The following CTXND1 variants were observed in gnomAD, a reference collection of about 807,000 sequenced individuals.
CTXND1 encodes the protein cortexin domain containing 1.
chr15:80,217,159 A>G (rs1230620231), intron 1 of CTXND1, among the ~76,000 whole-genome samples: 1 of 152,282 alleles, frequency 6.6e-6, no homozygotes, highest in African/African-American at 2.4e-5. Context: ...TTCTATGCCA[A>G]TTGCAAGCTG....
intron 1 of CTXND1, among the ~76,000 whole-genome samples, chr15:80,223,287 C>A (rs990607003): frequency 1.3e-5 from 2 of 152,162 alleles, no homozygotes; most frequent in Non-Finnish European, 2.9e-5. Context: ...GAACTCCCGA[C>A]CTCAGGTGAT....
At chr15:80,238,792 C>T (rs1340720396) in intron 1 of CTXND1, among the ~76,000 whole-genome samples, 1 of 152,198 alleles carries the variant, frequency 6.6e-6, no homozygotes, top group Non-Finnish European at 1.5e-5. Flanking sequence ...CCATGTTAAA[C>T]TCAGGGAACA....
chr15:80,205,849 A>T (rs1893142537), intron 1 of CTXND1, among the ~76,000 whole-genome samples: 1 of 152,184 alleles, frequency 6.6e-6, no homozygotes, highest in Non-Finnish European at 1.5e-5. Flanking sequence ...GGAAATACTC[A>T]TTGTTTCAGT....
chr15:80,229,011 G>C (rs924526278), intron 1 of CTXND1, among the ~76,000 whole-genome samples: 1 of 152,140 alleles, frequency 6.6e-6, no homozygotes, highest in East Asian at 1.9e-4. Context: ...GATTAGCGAT[G>C]CTTAGCTAGT....
intron 1 of CTXND1, among the ~76,000 whole-genome samples, chr15:80,242,143 CAG>C: frequency 6.6e-6 from 1 of 152,268 alleles, no homozygotes; most frequent in Non-Finnish European, 1.5e-5. Flanking sequence ...CTAAGAGAGA[CAG>C]AGAGGCTGCA....
In CTXND1 at chr15:80,197,167, C is replaced by T. The variant is rs1302671024; in HGVS notation, c.*4603G>A. ...AAACTCCTGGACTCAAGTGATCCTC[C>T]CACCTCAGACTCCTGAGTAGCTGGG... On this transcript the variant is annotated 3_prime_UTR_variant, in exon 3 of 3. Transcript: ENST00000560778. The T allele has an allele frequency of 6.6e-6, 1 of 152,220 alleles. No individual in the cohort carries two copies. Among genetic ancestry groups the T allele is most frequent in the Non-Finnish European group, 1.5e-5 (1 of 68,078 alleles). 9.4% of individuals were successfully genotyped at this position (152,220 alleles called of 1,614,324 possible). A position where few individuals can be genotyped will look rare whatever the true frequency, so the allele number is the denominator to read the frequency against.
chr15:80,219,653 T>C (rs1893291370), intron 1 of CTXND1, among the ~76,000 whole-genome samples: 1 of 152,218 alleles, frequency 6.6e-6, no homozygotes, highest in African/African-American at 2.4e-5. Flanking sequence ...CAGCAGTACC[T>C]GGGAGCTCCT....
chr15:80,232,987 A>G (rs7172075), intron 1 of CTXND1, among the ~76,000 whole-genome samples: 148,194 of 148,194 alleles, frequency 1, 74,097 homozygotes, highest in Non-Finnish European at 1. Flanking sequence ...CTGTTTCCCA[A>G]GCTGGATTGC....
intron 1 of CTXND1, among the ~76,000 whole-genome samples, chr15:80,204,647 G>GTGTATATATATATATA (rs1399579470): frequency 7.6e-6 from 1 of 131,342 alleles, no homozygotes; most frequent in African/African-American, 2.9e-5. Flanking sequence ...ATATTCCATT[G>GTGTATATATATATATA]TATATATATA....
At chr15:80,251,432 C>T (rs1446293121) in intron 1 of CTXND1, among the ~76,000 whole-genome samples, 1 of 152,176 alleles carries the variant, frequency 6.6e-6, no homozygotes, top group East Asian at 1.9e-4. Context: ...AGAACTTTCC[C>T]CAGAAGTTAC....
chr15:80,211,484 C>T (rs3743422), intron 1 of CTXND1, among the ~76,000 whole-genome samples: 98,361 of 151,990 alleles, frequency 0.65, 32,097 homozygotes, highest in East Asian at 0.88. Flanking sequence ...CCAATCACAT[C>T]GTTCTGTGGG....
At chr15:80,244,002 T>G (rs1273289996) in intron 1 of CTXND1, among the ~76,000 whole-genome samples, 1 of 152,226 alleles carries the variant, frequency 6.6e-6, no homozygotes, top group African/African-American at 2.4e-5. Context: ...TGAAGTCCAC[T>G]GTGGAGCCCA....
At chr15:80,246,460 A>G (rs1893630653) in intron 1 of CTXND1, among the ~76,000 whole-genome samples, 1 of 152,260 alleles carries the variant, frequency 6.6e-6, no homozygotes, top group African/African-American at 2.4e-5. Context: ...AAGCCTGGAC[A>G]GGGAAGCTTT....
chr15:80,237,806 C>T (rs1019523833), intron 1 of CTXND1, among the ~76,000 whole-genome samples: 24 of 151,924 alleles, frequency 1.6e-4, no homozygotes, highest in African/African-American at 5.3e-4. Context: ...GTCAGGAGTT[C>T]GAGACCAGCC....
intron 1 of CTXND1, among the ~76,000 whole-genome samples, chr15:80,223,857 G>C (rs904763392): frequency 6.6e-6 from 1 of 151,840 alleles, no homozygotes; most frequent in Non-Finnish European, 1.5e-5. Context: ...CCATATGTGA[G>C]GGTTGATGTG....
chr15:80,225,323 TG>T (rs1893360371), intron 1 of CTXND1, among the ~76,000 whole-genome samples: 1 of 151,366 alleles, frequency 6.6e-6, no homozygotes, highest in Non-Finnish European at 1.5e-5. Flanking sequence ...AGATTTTTAA[TG>T]TGTGTGTTTT....
At position 80,198,157 on chromosome 15, in the gene CTXND1, C is replaced by T. The variant is rs992007738; in HGVS notation, c.*3613G>A. ...TGTATTTCCCTAAGTGACCCACCAC[C>T]GAGGTGTCTTCATTGTCCCAAAGAC... is the stretch of plus-strand genomic sequence containing the variant. On this transcript the variant is annotated 3_prime_UTR_variant, in exon 3 of 3. Transcript: ENST00000560778. 4 of 152,214 alleles carry T rather than the reference C, an allele frequency of 2.6e-5. No homozygotes were observed. Among genetic ancestry groups the T allele is most frequent in the East Asian group, 1.9e-4 (1 of 5,196 alleles). 9.4% of individuals were successfully genotyped at this position (152,214 alleles called of 1,614,324 possible).
chr15:80,206,471 C>T (rs1893148168), intron 1 of CTXND1, among the ~76,000 whole-genome samples: 2 of 152,036 alleles, frequency 1.3e-5, no homozygotes, highest in African/African-American at 4.8e-5. Context: ...GGTATCTCTC[C>T]TTTTTGGCCT....
At chr15:80,223,743 G>C (rs919288925) in intron 1 of CTXND1, among the ~76,000 whole-genome samples, 4 of 151,900 alleles carry the variant, frequency 2.6e-5, no homozygotes, top group Admixed American at 6.6e-5. Flanking sequence ...AGCCATTCTG[G>C]GGGTAGATTG....
Sources: allele counts gnomAD v4.1 joint callset (sites outside exome capture counted in the v4.1 genomes callset), GRCh38; gene constraint gnomAD v4.1.1; transcripts MANE v1.5; gene names NCBI Gene and HGNC (gene_info 2026-07-23, HGNC 2026-07-21).